CUL2: variants seen among roughly 807,000 people sequenced by gnomAD.
CUL2 encodes the protein cullin-2.
In CUL2, 22 loss-of-function variants were observed where a neutral mutation model predicts 110.2. The observed-to-expected ratio is 0.20, with a 90% CI of 0.14 to 0.28. The LOEUF (loss-of-function observed/expected upper bound fraction) is 0.28. Ranked by LOEUF, CUL2 falls within the 10% of genes least tolerant of loss-of-function variation. CUL2 has a pLI of 1.00. For missense variants in CUL2, 631 were observed against 905.5 expected, an observed-to-expected ratio of 0.70 and a Z score of 3.89; for synonymous variants, 279 against 293.2, an observed-to-expected ratio of 0.95 and a Z score of 0.49.
intron 1 of CUL2, among the ~76,000 whole-genome samples, chr10:35,116,189 A>T (rs928720171): frequency 6.6e-6 from 1 of 151,982 alleles, no homozygotes. Context: ...CTAAAAATAC[A>T]AAAATTAGCC....
chr10:35,064,995 A>G (rs1039963323), intron 2 of CUL2, among the ~76,000 whole-genome samples: 4 of 152,188 alleles, frequency 2.6e-5, no homozygotes, highest in Non-Finnish European at 4.4e-5. Context: ...ACTCCTTCAG[A>G]ATATACATAT....
In CUL2 at chr10:35,048,963, G is replaced by C. The variant is rs565584552; in HGVS notation, c.506+720C>G. 1.2e-4 allele frequency among the ~76,000 whole-genome samples: 19 copies of C among 152,220 alleles called. 1 individual carries two copies. In the South Asian group the frequency reaches 3.9e-3, roughly 32 times the overall value. ...GTCTTCTTGATGAGCACAGATATAG[G>C]TGGAGTGGCCATTATTACACTACAA... On this transcript the variant is annotated intron_variant, in intron 6 of 20. Coordinates refer to ENST00000374749, the MANE Select transcript of CUL2 (RefSeq NM_003591.4).
intron 1 of CUL2, among the ~76,000 whole-genome samples, chr10:35,114,974 G>T (rs2087574883): frequency 1.3e-5 from 2 of 152,046 alleles, no homozygotes; most frequent in Admixed American, 1.3e-4. Context: ...CACTTTGGGA[G>T]GCCGAGGTGG....
intron 9 of CUL2, among the ~76,000 whole-genome samples, chr10:35,037,146 T>C (rs1191065448): frequency 6.6e-6 from 1 of 152,242 alleles, no homozygotes; most frequent in East Asian, 1.9e-4. Flanking sequence ...AAGTGTTATT[T>C]TTTTACCTTG....
At chr10:35,053,775 ACATAAAT>A (rs1447765622) in intron 5 of CUL2, among the ~76,000 whole-genome samples, 1 of 152,182 alleles carries the variant, frequency 6.6e-6, no homozygotes, top group African/African-American at 2.4e-5. Flanking sequence ...TCCTTCATTA[ACATAAAT>A]CACAAGTTAA....
intron 6 of CUL2, among the ~76,000 whole-genome samples, chr10:35,045,724 A>T (rs1430486338): frequency 2.6e-5 from 4 of 152,064 alleles, no homozygotes; most frequent in Non-Finnish European, 5.9e-5. Flanking sequence ...CTCAAAAATT[A>T]AAAAATAAAA....
Position 35,035,208 on chromosome 10 carries a change from C to T in CUL2, c.966G>A (p.Glu322=). 5.6e-6 allele frequency: 9 copies of T among 1,614,174 alleles called. No homozygotes were observed. Among genetic ancestry groups the T allele is most frequent in the Non-Finnish European group, 7.6e-6 (9 of 1,180,038 alleles). ...IQELQNHIHD[E]GLRATSNLTQ... ...TAAGGTTGCTGGTTGCTCGAAGGCC[C>T]TCATCATGGATGTGGTTTTGCAGCT... Residue 322 remains glutamate, a synonymous_variant, in exon 10 of 21, where the codon GAG becomes GAA. Transcript: ENST00000374749.
At chr10:35,038,048 G>A (rs1297262320) in intron 9 of CUL2, among the ~76,000 whole-genome samples, 4 of 152,108 alleles carry the variant, frequency 2.6e-5, no homozygotes, top group Non-Finnish European at 5.9e-5. Context: ...AGCTACTTGG[G>A]AGGCTGAGGC....
intron 16 of CUL2, among the ~76,000 whole-genome samples, chr10:35,026,661 CTCTCG>C (rs2085341759): frequency 6.6e-6 from 1 of 152,146 alleles, no homozygotes; most frequent in Non-Finnish European, 1.5e-5. Context: ...ACTACAAAGA[CTCTCG>C]TATCTATAGC....
chr10:35,017,105 C>T (rs1237012448), intron 17 of CUL2, among the ~76,000 whole-genome samples: 1 of 152,120 alleles, frequency 6.6e-6, no homozygotes, highest in African/African-American at 2.4e-5. Flanking sequence ...GATAGCTGGG[C>T]TCTCCCAGGT....
At position 35,044,711 on chromosome 10, in the gene CUL2, T is replaced by G. The variant is rs377436049; in HGVS notation, c.604-35A>C. 47 of 1,585,436 alleles carry G rather than the reference T, an allele frequency of 3.0e-5. No homozygotes were observed. In the African/African-American group the frequency reaches 5.4e-4, roughly 18 times the overall value. On this transcript the variant is annotated intron_variant, in intron 7 of 20. Transcript: ENST00000374749. Reference sequence around the variant, plus strand: ...TCAATTACATCATATTAGAAGAAATTAGAACAAGCAGTTTAAGAAATTAAC... The same window carrying G: ...TCAATTACATCATATTAGAAGAAATGAGAACAAGCAGTTTAAGAAATTAAC...
chr10:35,071,242 T>C lies in CUL2; in HGVS notation c.76A>G (p.Met26Val). ...KLLTTIKAVVMLEYVERATWN... is the reference protein window; with the variant it reads ...KLLTTIKAVVVLEYVERATWN... ...GTTGCTCTTTCGACGTATTCCAACA[T>C]GACCACGGCTTTTATTGTCGTCAAA... The change falls in exon 2 of 21, where the codon ATG becomes GTG. Residue 26 changes from methionine to valine, a missense_variant. Coordinates refer to ENST00000374749, the MANE Select transcript of CUL2 (RefSeq NM_003591.4). 1.9e-6 allele frequency: 3 copies of C among 1,614,198 alleles called. No individual in the cohort carries two copies. Among genetic ancestry groups the C allele is most frequent in the Non-Finnish European group, 2.5e-6 (3 of 1,180,018 alleles).
Position 35,031,421 on chromosome 10 carries a change from T to G in CUL2, c.1300-35A>C. 6.3e-7 allele frequency: 1 copy of G among 1,597,788 alleles called. No homozygotes were observed. Among genetic ancestry groups the G allele is most frequent in the Non-Finnish European group, 8.5e-7 (1 of 1,171,066 alleles). Reference sequence around the variant, plus strand: ...AAAATATTTTAAAAGATTACTTCCTTTCTAATGATTTAGCATTCAGAAATA... The same window carrying G: ...AAAATATTTTAAAAGATTACTTCCTGTCTAATGATTTAGCATTCAGAAATA... On this transcript the variant is annotated intron_variant, in intron 13 of 20. Coordinates refer to ENST00000374749, the MANE Select transcript of CUL2 (RefSeq NM_003591.4). The surrounding 1 kb of genome is among the most constrained non-coding windows in gnomAD (Gnocchi z 4.4).
chr10:35,063,424 A>G (rs1446290682), intron 2 of CUL2, among the ~76,000 whole-genome samples: 1 of 152,198 alleles, frequency 6.6e-6, no homozygotes, highest in East Asian at 1.9e-4. Flanking sequence ...TATCAATGAT[A>G]TTAGTATTCA....
At chr10:35,069,154 A>G (rs2086615658) in intron 2 of CUL2, among the ~76,000 whole-genome samples, 1 of 152,140 alleles carries the variant, frequency 6.6e-6, no homozygotes, top group Admixed American at 6.5e-5. Context: ...GGCGTGAGAC[A>G]ACGTGCCCGG....
upstream of CUL2, chr10:35,090,441 A>G (rs1370655803): frequency 1.3e-5 from 2 of 149,952 alleles, no homozygotes; most frequent in Non-Finnish European, 2.9e-5. Flanking sequence ...TGTCTCCGCG[A>G]GGAAAGACAG....
intron 1 of CUL2, among the ~76,000 whole-genome samples, chr10:35,073,605 TTTTC>T (rs2086739348): frequency 6.6e-6 from 1 of 151,472 alleles, no homozygotes; most frequent in Non-Finnish European, 1.5e-5. Flanking sequence ...TTCTTTTTCT[TTTTC>T]TTTTTTTTTT....
chr10:35,029,053 A>C (rs1454134416), intron 15 of CUL2, among the ~76,000 whole-genome samples, 166 bp from the exon 16 acceptor site: 3 of 144,956 alleles, frequency 2.1e-5, no homozygotes, highest in Admixed American at 1.4e-4. Flanking sequence ...AACCAATAGG[A>C]CCTTTTTTTG....
At position 35,031,340 on chromosome 10, in the gene CUL2, A is replaced by G; in HGVS notation, c.1346T>C (p.Met449Thr). 6.2e-7 allele frequency: 1 copy of G among 1,608,606 alleles called. No individual in the cohort carries two copies. The highest frequency in any genetic ancestry group is 1.7e-4 in the Middle Eastern group (1 of 6,024). The part of the protein sequence containing the change: ...LAKRLIHGLS[M>T]SMDSEEAMIN... ...CATGGCTTCTTCAGAGTCCATAGACATGGATAACCCATGAATTAAACGTTT... is the reference window on the plus strand; with the variant it reads ...CATGGCTTCTTCAGAGTCCATAGACGTGGATAACCCATGAATTAAACGTTT... Residue 449 changes from methionine (M) to threonine (T), a missense_variant, in exon 14 of 21, where the codon ATG becomes ACG. Physicochemically the swap from Met to Thr is moderately conservative, Grantham distance 81. Coordinates refer to ENST00000374749, the MANE Select transcript of CUL2 (RefSeq NM_003591.4). The surrounding 1 kb of genome is among the most constrained non-coding windows in gnomAD (Gnocchi z 4.4).
Sources: gnomAD v4.1 joint callset for allele counts (sites outside exome capture counted in the v4.1 genomes callset) on GRCh38, gnomAD v4.1.1 for gene constraint, Gnocchi (gnomAD v3.1) non-coding constraint, MANE v1.5 for transcripts, NCBI Gene and HGNC (gene_info 2026-07-23, HGNC 2026-07-21) for gene names.